Variants in CGNL1 observed in about 807,000 individuals in gnomAD.
CGNL1 encodes cingulin like 1, also known as cingulin-like protein 1.
Under a neutral mutation model 141.2 loss-of-function variants are expected in CGNL1, and 132 were observed. The observed-to-expected ratio is 0.93, with a 90% confidence interval of 0.81 to 1.08. CGNL1 has a LOEUF of 1.08. CGNL1 is among the 50% of genes least tolerant of loss of function. The pLI, the probability that CGNL1 is intolerant of heterozygous loss-of-function variation, is 0.00. For synonymous variants in CGNL1, 690 were observed against 622.1 expected (o/e 1.11, Z -1.63); for missense variants, 1,870 against 1,588.6 (o/e 1.18, Z -3.01).
At chr15:57,545,479 C>A in intron 16 of CGNL1, 113 bp from the exon 17 acceptor site, 3 of 842,858 alleles carry the variant, frequency 3.6e-6, no homozygotes, top group African/African-American at 1.7e-5. Flanking sequence ...TGACCCTAAG[C>A]CTTGAGCTGA....
In CGNL1 at chr15:57,457,360, T is replaced by G. The variant is rs558156936; in HGVS notation, c.2190+3542T>G. On this transcript the variant is annotated intron_variant, in intron 7 of 18. Transcript: ENST00000281282. Reference sequence around the variant, plus strand: ...CCACTTGCTGCTGCTGCAGAACAGCTGGTCTCATAGTGTGTTCCTTTTTCT... The same window carrying G: ...CCACTTGCTGCTGCTGCAGAACAGCGGGTCTCATAGTGTGTTCCTTTTTCT... 7.2e-5 allele frequency among the ~76,000 whole-genome samples: 11 copies of G among 152,320 alleles called. No homozygotes were observed. In the South Asian group the frequency reaches 2.3e-3, roughly 32 times the overall value.
intron 1 of CGNL1, among the ~76,000 whole-genome samples, chr15:57,390,421 G>A (rs1305671835): frequency 6.6e-6 from 1 of 152,212 alleles, no homozygotes; most frequent in African/African-American, 2.4e-5. Flanking sequence ...GATTCCCTTG[G>A]CCAACACAAA....
At chr15:57,481,783 G>A (rs989914210) in intron 8 of CGNL1, among the ~76,000 whole-genome samples, 2 of 152,094 alleles carry the variant, frequency 1.3e-5, no homozygotes, top group African/African-American at 4.8e-5. Context: ...ATATCTAGGA[G>A]TGCAATTGCT....
At chr15:57,431,037 G>A (rs1706354) in intron 1 of CGNL1, among the ~76,000 whole-genome samples, 148,985 of 152,328 alleles carry the variant, frequency 0.98, 72,939 homozygotes, top group Middle Eastern at 1. Flanking sequence ...CAGATTTTCA[G>A]ACTCCTGGTT....
chr15:57,528,544 G>T (rs1335046397), intron 12 of CGNL1, 110 bp from the exon 13 acceptor site: 4 of 1,062,908 alleles, frequency 3.8e-6, no homozygotes, highest in Non-Finnish European at 4.2e-6. Flanking sequence ...CCCATATTGT[G>T]GGAGTCCAGC....
intron 1 of CGNL1, among the ~76,000 whole-genome samples, chr15:57,390,254 C>T (rs1255577431): frequency 6.6e-6 from 1 of 152,242 alleles, no homozygotes; most frequent in Non-Finnish European, 1.5e-5. Context: ...GAGGTCTATT[C>T]CACATGTGTT....
chr15:57,512,809 G>GA (rs1211735791), intron 8 of CGNL1, among the ~76,000 whole-genome samples: 5 of 152,104 alleles, frequency 3.3e-5, no homozygotes, highest in African/African-American at 1.2e-4. Context: ...TTGCTTTACT[G>GA]AAAGCTTTGG....
intron 14 of CGNL1, 49 bp from the exon 15 acceptor site, chr15:57,543,647 T>C (rs1234418121): frequency 1.3e-6 from 2 of 1,498,990 alleles, no homozygotes; most frequent in South Asian, 1.1e-5. Context: ...GTACAAAAGA[T>C]ACAGGAACAG....
At position 57,409,250 on chromosome 15, in the gene CGNL1, G is replaced by A. The variant is rs1270635991; in HGVS notation, c.-15-28735G>A. Among the ~76,000 whole-genome samples, 130 of 152,220 alleles carry A rather than the reference G, an allele frequency of 8.5e-4. 2 individuals are homozygous for A. Among genetic ancestry groups the A allele is most frequent in the Non-Finnish European group, 1.5e-4 (10 of 68,034 alleles). ...TGGCAAGCTCAGGAAGCAGAGGGGC[G>A]CCATGCATTTGGAGACGTGTGAGTA... is the stretch of plus-strand genomic sequence containing the variant. On this transcript the variant is annotated intron_variant, in intron 1 of 18. Transcript: ENST00000281282.
rs113204293 is a variant in CGNL1, at chr15:57,503,775, G to A, written c.2404-13005G>A. On this transcript the variant is annotated intron_variant, in intron 8 of 18. Transcript: ENST00000281282. Reference sequence around the variant, plus strand: ...AGCAAGAGAAAATGAGGAAGATACAGAAGCGGAAACCTCTAATAAACCCAT... The same window carrying A: ...AGCAAGAGAAAATGAGGAAGATACAAAAGCGGAAACCTCTAATAAACCCAT... Among the ~76,000 whole-genome samples, 413 of 152,282 alleles carry A rather than the reference G, an allele frequency of 2.7e-3. 9 individuals are homozygous for A. The highest frequency in any genetic ancestry group is 9.5e-3 in the African/African-American group (393 of 41,542).
In CGNL1 at chr15:57,528,211, C is replaced by T. The variant is rs188425374; in HGVS notation, c.3040-443C>T. On this transcript the variant is annotated intron_variant, in intron 12 of 18. Coordinates refer to ENST00000281282, the MANE Select transcript of CGNL1 (RefSeq NM_032866.5). ...GATGGAGGCTGCAGTTAGCCAAGAT[C>T]GCACCACTGCACACCAGCCTGGGCA... Among the ~76,000 whole-genome samples, 22 of 151,754 alleles carry T rather than the reference C, an allele frequency of 1.4e-4. No homozygotes were observed. The East Asian group carries it at 3.1e-3, about 21-fold the overall frequency.
At chr15:57,517,306 C>T (rs550109730) in intron 9 of CGNL1, among the ~76,000 whole-genome samples, 1 of 152,302 alleles carries the variant, frequency 6.6e-6, no homozygotes, top group East Asian at 1.9e-4. Context: ...CTTAACACCA[C>T]CATTAGACCG....
chr15:57,479,091 G>A (rs2063692054), intron 8 of CGNL1, among the ~76,000 whole-genome samples: 1 of 152,210 alleles, frequency 6.6e-6, no homozygotes, highest in African/African-American at 2.4e-5. Context: ...AAGGTGCAAG[G>A]AGTTGTTTGA....
In CGNL1 at chr15:57,529,559, A is replaced by AACACACACACACACAC. The variant is rs10593466; in HGVS notation, c.3201+779_3201+794dup. On this transcript the variant is annotated intron_variant, in intron 13 of 18. Coordinates refer to ENST00000281282, the MANE Select transcript of CGNL1 (RefSeq NM_032866.5). Reference sequence around the variant, plus strand: ...CTTAGGAGCAAAACTAACCCCCAGAAACACACACACACACACACACACACA... The same window carrying AACACACACACACACAC: ...CTTAGGAGCAAAACTAACCCCCAGAAACACACACACACACACACACACACACACACACACACACACA... 2.1e-3 allele frequency among the ~76,000 whole-genome samples: 295 copies of AACACACACACACACAC among 137,994 alleles called. 1 individual carries two copies. Among genetic ancestry groups the AACACACACACACACAC allele is most frequent in the East Asian group, 6.0e-3 (28 of 4,656 alleles). 90.5% of individuals were successfully genotyped at this position (137,994 alleles called of 152,430 possible). A position where few individuals can be genotyped will look rare whatever the true frequency, so the allele number is the denominator to read the frequency against.
intron 1 of CGNL1, among the ~76,000 whole-genome samples, chr15:57,403,363 A>G (rs555096495): frequency 5.8e-4 from 88 of 152,320 alleles, no homozygotes; most frequent in African/African-American, 2.0e-3. Context: ...TGTGTTTAAA[A>G]TGCTTCCCCT....
intron 4 of CGNL1, among the ~76,000 whole-genome samples, chr15:57,450,288 G>A (rs2063306412): frequency 6.6e-6 from 1 of 151,972 alleles, no homozygotes; most frequent in African/African-American, 2.4e-5. Context: ...TTGTCTGTTT[G>A]TTTTTTGAGA....
At chr15:57,460,615 A>G (rs1457931407) in intron 7 of CGNL1, among the ~76,000 whole-genome samples, 4 of 152,196 alleles carry the variant, frequency 2.6e-5, no homozygotes, top group African/African-American at 9.6e-5. Flanking sequence ...CCTTCTTCAC[A>G]AGGCAACAGG....
intron 1 of CGNL1, among the ~76,000 whole-genome samples, chr15:57,383,610 TC>T (rs1367430260): frequency 3.1e-4 from 23 of 74,364 alleles, no homozygotes; most frequent in East Asian, 1.5e-3. Flanking sequence ...TCTTTTCTTT[TC>T]TTTTCTTTTC....
In CGNL1 at chr15:57,403,273, A is replaced by T. The variant is rs141008357; in HGVS notation, c.-16+26706A>T. On this transcript the variant is annotated intron_variant, in intron 1 of 18. Transcript: ENST00000281282. ...GAAACGCCCCTCTTTGGGGCCCAGG[A>T]CAACATGCTGGTTTCCCGGAAGCAT... Among the ~76,000 whole-genome samples, 108 of 152,286 alleles carry T rather than the reference A, an allele frequency of 7.1e-4. 2 individuals are homozygous for T. In the East Asian group the frequency reaches 0.015, roughly 22 times the overall value.
Sources: allele counts gnomAD v4.1 joint callset (sites outside exome capture counted in the v4.1 genomes callset), GRCh38; gene constraint gnomAD v4.1.1; transcripts MANE v1.5; gene names NCBI Gene and HGNC (gene_info 2026-07-23, HGNC 2026-07-21).